The following LPCAT1 variants were observed in gnomAD, a reference collection of about 807,000 sequenced individuals.
The protein encoded by LPCAT1 is 1-acylglycerol-3-phosphate O-acyltransferase.
LPCAT1 carries 23 observed loss-of-function variants against 60.9 expected under a neutral mutation model. The ratio of observed to expected loss-of-function variants is 0.38; its 90% CI spans 0.27 to 0.53. LPCAT1 has a LOEUF of 0.53. Among genes scored for constraint, LPCAT1 ranks in the 20% least tolerant of loss-of-function variants. LPCAT1 has a pLI of 0.82. For missense variants in LPCAT1, 622 were observed against 723.6 expected, an observed-to-expected ratio of 0.86 and a Z score of 1.61; for synonymous variants, 340 against 301.1, an observed-to-expected ratio of 1.13 and a Z score of -1.34.
In LPCAT1 at chr5:1,483,304, AG is replaced by A. The variant is rs1220576621; in HGVS notation, c.726+123del. On this transcript the variant is annotated intron_variant, in intron 6 of 13. Coordinates refer to ENST00000283415, the MANE Select transcript of LPCAT1 (RefSeq NM_024830.5). The surrounding 1 kb of genome is among the most constrained non-coding windows in gnomAD (Gnocchi z 9.2). ...AGGCCGGATGGACTCAGCATGGCCA[AG>A]TGTGGGCTGTGGCGCAGATAAAGGG... The A allele has an allele frequency of 6.4e-6, 7 of 1,089,420 alleles. No homozygotes were observed. In the East Asian group the frequency reaches 1.7e-4, roughly 26 times the overall value. 67.5% of individuals were successfully genotyped at this position (1,089,420 alleles called of 1,614,324 possible).
rs1734185796 is a variant in LPCAT1, at chr5:1,463,384, G to A, written c.*267C>T. ...ACACGGGGCGGCACCGGTGCCCCCC[G>A]CCCGGCAGGGAACCTGACCCCACGG... On this transcript the variant is annotated 3_prime_UTR_variant, in exon 14 of 14. Transcript: ENST00000283415. 3 of 459,452 alleles carry A rather than the reference G, an allele frequency of 6.5e-6. No individual in the cohort carries two copies. The highest frequency in any genetic ancestry group is 7.7e-6 in the Non-Finnish European group (2 of 258,476). The allele number at this position is 459,452 out of a possible 1,614,324, so 28.5% of individuals were successfully genotyped here. A position where few individuals can be genotyped will look rare whatever the true frequency, so the allele number is the denominator to read the frequency against.
rs765192230 is a variant in LPCAT1, at chr5:1,494,812, C to A, written c.381G>T (p.Ala127=). The A allele has an allele frequency of 5.0e-6, 8 of 1,613,932 alleles. No homozygotes were observed. In the South Asian group the frequency reaches 7.7e-5, roughly 16 times the overall value. The change falls in exon 3 of 14, where the codon GCG becomes GCT. Residue 127 remains alanine, a synonymous_variant. Transcript: ENST00000283415. ...VKGRQALPTE[A]AILTLAPHSS... is the part of the protein sequence containing the mutation. ...AGTGAGGCGCGAGCGTGAGGATGGC[C>A]GCCTCGGTGGGCAGCGCCTGCCGCC...
At chr5:1,488,741 T>C (rs1735461793) in intron 4 of LPCAT1, among the ~76,000 whole-genome samples, 1 of 152,216 alleles carries the variant, frequency 6.6e-6, no homozygotes, top group African/African-American at 2.4e-5. Context: ...TCTCAGACAC[T>C]GTGAGAACCA....
chr5:1,466,734 C>T lies in LPCAT1; in HGVS notation c.1420+15G>A, dbSNP rs762947298. The T allele has an allele frequency of 5.6e-6, 9 of 1,604,586 alleles. No individual in the cohort carries two copies. In the East Asian group the frequency reaches 1.6e-4, roughly 28 times the overall value. On this transcript the variant is annotated intron_variant, in intron 13 of 13. Transcript: ENST00000283415. Reference sequence around the variant, plus strand: ...CCCAAGGGTCGCGAGGACGACCCCACTCCTGCGGGCTCACCGAATGTGATC... The same window carrying T: ...CCCAAGGGTCGCGAGGACGACCCCATTCCTGCGGGCTCACCGAATGTGATC...
chr5:1,518,729 CCT>C, intron 1 of LPCAT1, among the ~76,000 whole-genome samples: 1 of 152,334 alleles, frequency 6.6e-6, no homozygotes, highest in African/African-American at 2.4e-5. Context: ...CCCACATGGC[CCT>C]GTGTTCCAGT....
chr5:1,483,500 A>G lies in LPCAT1; in HGVS notation c.668-14T>C. On this transcript the variant is annotated splice_polypyrimidine_tract_variant and intron_variant, in intron 5 of 13. Coordinates refer to ENST00000283415, the MANE Select transcript of LPCAT1 (RefSeq NM_024830.5). This position sits in a 1 kb window ranked among gnomAD's most constrained non-coding sequence, Gnocchi z 9.2. The stretch of plus-strand genomic sequence containing the variant: ...GGATGAATGCACCTGCCGAGAAAGG[A>G]ACAGCGGTGTTGCCCATGGCAGCCC... 6.2e-7 allele frequency: 1 copy of G among 1,613,502 alleles called. No homozygotes were observed. The highest frequency in any genetic ancestry group is 8.5e-7 in the Non-Finnish European group (1 of 1,179,810).
At chr5:1,464,322 C>T (rs550704373) in intron 13 of LPCAT1, among the ~76,000 whole-genome samples, 1 of 152,254 alleles carries the variant, frequency 6.6e-6, no homozygotes, top group African/African-American at 2.4e-5. Context: ...TGAGCGCCCT[C>T]GGCTCCTACT....
chr5:1,516,551 C>T (rs749267933), intron 1 of LPCAT1, among the ~76,000 whole-genome samples: 4 of 152,204 alleles, frequency 2.6e-5, no homozygotes, highest in Non-Finnish European at 5.9e-5. Context: ...CCTTGCCCTC[C>T]AGTACCTTGG....
Position 1,521,276 on chromosome 5 carries a change from G to A in LPCAT1, c.135+2434C>T, listed in dbSNP as rs570403738. On this transcript the variant is annotated intron_variant, in intron 1 of 13. Coordinates refer to ENST00000283415, the MANE Select transcript of LPCAT1 (RefSeq NM_024830.5). The surrounding 1 kb of genome is among the most constrained non-coding windows in gnomAD (Gnocchi z 4.3). ...GCTGGAGGAGGAGGTGTCCCCGCAT[G>A]GCGCTAATCCGAAGACACACAGCAG... The A allele has an allele frequency of 1.6e-4, 148 of 954,388 alleles. No homozygotes were observed. The South Asian group carries it at 2.9e-3, about 18-fold the overall frequency. The allele number at this position is 954,388 out of a possible 1,614,324, so 59.1% of individuals were successfully genotyped here. A position where few individuals can be genotyped will look rare whatever the true frequency, so the allele number is the denominator to read the frequency against.
At chr5:1,515,954 C>A (rs1373878860) in intron 1 of LPCAT1, among the ~76,000 whole-genome samples, 1 of 152,256 alleles carries the variant, frequency 6.6e-6, no homozygotes, top group Non-Finnish European at 1.5e-5. Context: ...CAAGGCTGAC[C>A]CCTGCTCAGC....
intron 1 of LPCAT1, among the ~76,000 whole-genome samples, chr5:1,505,624 G>GA (rs1736160554): frequency 6.6e-6 from 1 of 152,254 alleles, no homozygotes. Context: ...CCAGTGGGGG[G>GA]ATGCACTGTG....
chr5:1,517,706 G>A (rs763001655), intron 1 of LPCAT1, among the ~76,000 whole-genome samples: 2 of 151,534 alleles, frequency 1.3e-5, no homozygotes, highest in Admixed American at 6.6e-5. Context: ...AGGAAGAAAC[G>A]ATTTAAATAA....
intron 3 of LPCAT1, among the ~76,000 whole-genome samples, chr5:1,493,017 G>A (rs1735649313): frequency 6.6e-6 from 1 of 152,266 alleles, no homozygotes; most frequent in East Asian, 1.9e-4. Flanking sequence ...AAAGGGTGCT[G>A]AGTGGAGCTG....
At chr5:1,518,627 G>A (rs563781031) in intron 1 of LPCAT1, among the ~76,000 whole-genome samples, 3 of 152,308 alleles carry the variant, frequency 2.0e-5, no homozygotes, top group Non-Finnish European at 2.9e-5. Context: ...GGCGTGAGCC[G>A]TTGCGCCCGG....
chr5:1,494,917 G>T lies in LPCAT1; in HGVS notation c.279-3C>A, dbSNP rs988828220. On this transcript the variant is annotated splice_polypyrimidine_tract_variant and splice_region_variant and intron_variant, in intron 2 of 13. Transcript: ENST00000283415. The stretch of plus-strand genomic sequence containing the variant: ...CCTTCAGCAGGAAGTCCACAACCCT[G>T]CAAAAGAGGGCGCTGCGTCACGCGG... 6.3e-7 allele frequency: 1 copy of T among 1,596,818 alleles called. No homozygotes were observed. The highest frequency in any genetic ancestry group is 8.5e-7 in the Non-Finnish European group (1 of 1,170,628).
At chr5:1,488,324 A>G in intron 5 of LPCAT1, 67 bp downstream of exon 5, 1 of 1,058,604 alleles carries the variant, frequency 9.4e-7, no homozygotes, top group Non-Finnish European at 1.4e-6. Context: ...GCACATTATT[A>G]AAAAACATCT....
Position 1,480,885 on chromosome 5 carries a change from GC to G in LPCAT1, c.761+56del. The G allele has an allele frequency of 6.2e-7, 1 of 1,602,374 alleles. No individual in the cohort carries two copies. Among genetic ancestry groups the G allele is most frequent in the Non-Finnish European group, 8.5e-7 (1 of 1,169,734 alleles). On this transcript the variant is annotated intron_variant, in intron 7 of 13. Coordinates refer to ENST00000283415, the MANE Select transcript of LPCAT1 (RefSeq NM_024830.5). This position sits in a 1 kb window ranked among gnomAD's most constrained non-coding sequence, Gnocchi z 6.4. The stretch of plus-strand genomic sequence containing the variant: ...TAGCGTGCACAGCAGACCCCAAGCA[GC>G]CCCTACGTGTTCATGGAACAACAGG...
At chr5:1,470,743 A>G in intron 12 of LPCAT1, 83 bp downstream of exon 12, 1 of 971,914 alleles carries the variant, frequency 1.0e-6, no homozygotes, top group Non-Finnish European at 1.5e-6. Flanking sequence ...TGATATTATA[A>G]GGAACTAGAG....
In LPCAT1 at chr5:1,500,554, G is replaced by A. The variant is rs56805576; in HGVS notation, c.278+907C>T. 3.5e-3 allele frequency among the ~76,000 whole-genome samples: 526 copies of A among 152,210 alleles called. 3 individuals carry two copies. The highest frequency in any genetic ancestry group is 0.012 in the African/African-American group (504 of 41,540). ...GGTGGTGCCAGCAGGCAGCAGGCCAGGCCAACGTTGGCTGACATGCAGTCT... is the reference window on the plus strand; with the variant it reads ...GGTGGTGCCAGCAGGCAGCAGGCCAAGCCAACGTTGGCTGACATGCAGTCT... On this transcript the variant is annotated intron_variant, in intron 2 of 13. Coordinates refer to ENST00000283415, the MANE Select transcript of LPCAT1 (RefSeq NM_024830.5).
Sources: allele counts gnomAD v4.1 joint callset (sites outside exome capture counted in the v4.1 genomes callset), GRCh38; gene constraint gnomAD v4.1.1; non-coding constraint Gnocchi (gnomAD v3.1); transcripts MANE v1.5; gene names NCBI Gene and HGNC (gene_info 2026-07-23, HGNC 2026-07-21).